Variants in NFIB observed in about 807,000 individuals in gnomAD.
NFIB encodes nuclear factor I B.
In NFIB, 11 loss-of-function variants were observed where a neutral mutation model predicts 61.5. The ratio of observed to expected loss-of-function variants is 0.18; its 90% CI spans 0.11 to 0.30. NFIB has a LOEUF of 0.30. Among genes scored for constraint, NFIB ranks in the 10% least tolerant of loss-of-function variants. NFIB has a pLI of 1.00. For missense variants in NFIB, 471 were observed against 608.9 expected (o/e 0.77, Z 2.38); for synonymous variants, 260 against 216.5 (o/e 1.20, Z -1.76).
At chr9:14,167,093 G>C (rs934710485) in intron 3 of NFIB, among the ~76,000 whole-genome samples, 2 of 147,124 alleles carry the variant, frequency 1.4e-5, no homozygotes, top group East Asian at 2.3e-4. Context: ...CGGGGGGGGG[G>C]GGTTCCCCTT....
the NFIB span, among the ~76,000 whole-genome samples, chr9:14,509,371 T>A: frequency 6.6e-6 from 1 of 152,206 alleles, no homozygotes; most frequent in Non-Finnish European, 1.5e-5. Context: ...GCAAAATTAG[T>A]TCCTTAAGTT....
At chr9:14,417,774 GTTTTT>G in the NFIB span, among the ~76,000 whole-genome samples, 1 of 91,784 alleles carries the variant, frequency 1.1e-5, no homozygotes, top group African/African-American at 4.1e-5. Context: ...CCTAGGAACA[GTTTTT>G]TTTTTTTTTT....
At chr9:14,359,004 A>C (rs2061208344) in intron 1 of NFIB, among the ~76,000 whole-genome samples, 1 of 152,220 alleles carries the variant, frequency 6.6e-6, no homozygotes, top group African/African-American at 2.4e-5. Flanking sequence ...GAAACACCGG[A>C]TAATGGCGTG....
Position 14,125,751 on chromosome 9 carries a change from G to A in NFIB, c.941C>T (p.Thr314Ile). 1 of 1,614,086 alleles carries A rather than the reference G, an allele frequency of 6.2e-7. No homozygotes were observed. Among genetic ancestry groups the A allele is most frequent in the Non-Finnish European group, 8.5e-7 (1 of 1,179,972 alleles). Residue 314 changes from threonine to isoleucine, a missense_variant, in exon 7 of 11, where the codon ACT (threonine) becomes ATT (isoleucine). Physicochemically the swap from Thr to Ile is moderately conservative, Grantham distance 89 (BLOSUM62 -1). Coordinates refer to ENST00000380953, the MANE Select transcript of NFIB (RefSeq NM_001190737.2). Reference protein sequence around the residue: ...HERDQDMSSPTTMKKPEKPLF... With the variant: ...HERDQDMSSPITMKKPEKPLF... Reference sequence around the variant, plus strand: ...TGGCTTTTCAGGCTTCTTCATAGTAGTCGGAGAAGACATATCTGCGAGAAA... The same window carrying A: ...TGGCTTTTCAGGCTTCTTCATAGTAATCGGAGAAGACATATCTGCGAGAAA...
chr9:14,473,426 C>T, the NFIB span, among the ~76,000 whole-genome samples: 1 of 152,202 alleles, frequency 6.6e-6, no homozygotes, highest in African/African-American at 2.4e-5. Flanking sequence ...GTAGAAAAGT[C>T]AATTCAAGCT....
the NFIB span, among the ~76,000 whole-genome samples, chr9:14,425,057 G>A: frequency 2.0e-5 from 3 of 152,180 alleles, no homozygotes; most frequent in Non-Finnish European, 4.4e-5. Flanking sequence ...AATTCCTACA[G>A]AAGGCCTTGG....
chr9:14,438,796 G>A, the NFIB span, among the ~76,000 whole-genome samples: 4 of 152,160 alleles, frequency 2.6e-5, no homozygotes, highest in East Asian at 3.9e-4. Context: ...ACAAAGAGCC[G>A]GGAGAACAGC....
At chr9:14,403,725 A>G (rs930443340), upstream of NFIB, among the ~76,000 whole-genome samples, 6 of 152,234 alleles carry the variant, frequency 3.9e-5, no homozygotes, top group Non-Finnish European at 8.8e-5. Context: ...ACCCTGTATT[A>G]GTCGGTTGTC....
chr9:14,491,050 C>T, the NFIB span, among the ~76,000 whole-genome samples: 1 of 152,002 alleles, frequency 6.6e-6, no homozygotes, highest in African/African-American at 2.4e-5. Flanking sequence ...TAAAAGAAGC[C>T]CAAATGTGGG....
chr9:14,116,221 A>G lies in NFIB; in HGVS notation c.1371T>C (p.Thr457=). Residue 457 remains threonine, a synonymous_variant, in exon 9 of 11, where the codon ACT becomes ACC. Coordinates refer to ENST00000380953, the MANE Select transcript of NFIB (RefSeq NM_001190737.2). ...TLSMTDTKPI[T]TSTEAYTASG... ...AAGCTGCCTCACCTTCAGTGGATGT[A>G]GTGATGGGTTTAGTATCTGTCATGC... 1.3e-6 allele frequency: 2 copies of G among 1,517,326 alleles called. No individual in the cohort carries two copies. The highest frequency in any genetic ancestry group is 1.8e-6 in the Non-Finnish European group (2 of 1,127,990). The allele number at this position is 1,517,326 out of a possible 1,614,324, so 94.0% of individuals were successfully genotyped here.
intron 2 of NFIB, among the ~76,000 whole-genome samples, chr9:14,260,338 GACTC>G (rs1359040876): frequency 2.0e-5 from 3 of 152,196 alleles, no homozygotes; most frequent in Non-Finnish European, 4.4e-5. Flanking sequence ...CACTCACTAT[GACTC>G]ACCAAGGACA....
intron 3 of NFIB, among the ~76,000 whole-genome samples, chr9:14,170,952 TG>T (rs1348509203): frequency 6.6e-6 from 1 of 152,236 alleles, no homozygotes; most frequent in Non-Finnish European, 1.5e-5. Context: ...TTGGATTCTA[TG>T]TTACCTTATG....
intron 8 of NFIB, among the ~76,000 whole-genome samples, chr9:14,118,407 C>G (rs914530292): frequency 1.3e-5 from 2 of 152,080 alleles, no homozygotes; most frequent in African/African-American, 4.8e-5. Context: ...GACCATTCTA[C>G]AAACTTCACC....
At chr9:14,260,728 T>A (rs941298987) in intron 2 of NFIB, among the ~76,000 whole-genome samples, 2 of 152,156 alleles carry the variant, frequency 1.3e-5, no homozygotes, top group Non-Finnish European at 2.9e-5. Flanking sequence ...ATAGCTCAGA[T>A]CCTACCATCT....
intron 2 of NFIB, among the ~76,000 whole-genome samples, chr9:14,254,335 C>T (rs1484100486): frequency 6.6e-6 from 1 of 151,740 alleles, no homozygotes; most frequent in Non-Finnish European, 1.5e-5. Context: ...AACAAAACAG[C>T]ATTTCTCCAT....
chr9:14,152,134 T>C (rs546431632), intron 4 of NFIB, among the ~76,000 whole-genome samples: 1 of 152,222 alleles, frequency 6.6e-6, no homozygotes, highest in East Asian at 1.9e-4. Flanking sequence ...CTTTCTGGAC[T>C]AAAAATTAAA....
chr9:14,400,500 T>G (rs1173919349), upstream of NFIB, among the ~76,000 whole-genome samples: 6 of 152,182 alleles, frequency 3.9e-5, no homozygotes, highest in Non-Finnish European at 8.8e-5. Context: ...TGTAAAAACA[T>G]ACATTCTATC....
the NFIB span, among the ~76,000 whole-genome samples, chr9:14,474,867 T>G: frequency 6.6e-6 from 1 of 152,202 alleles, no homozygotes; most frequent in African/African-American, 2.4e-5. Context: ...CCAGGAGCAC[T>G]GATATCTGAG....
the NFIB span, among the ~76,000 whole-genome samples, chr9:14,484,250 G>A: frequency 6.6e-6 from 1 of 152,206 alleles, no homozygotes; most frequent in Non-Finnish European, 1.5e-5. Flanking sequence ...TCCCTGCCCT[G>A]AGTAGCAGCA....
Sources: gnomAD v4.1 joint callset for allele counts (sites outside exome capture counted in the v4.1 genomes callset) on GRCh38, gnomAD v4.1.1 for gene constraint, MANE v1.5 for transcripts, NCBI Gene and HGNC (gene_info 2026-07-23, HGNC 2026-07-21) for gene names.